PAX5: variants seen among roughly 807,000 people sequenced by gnomAD.
The protein encoded by PAX5 is paired box 5, also known as paired box protein Pax-5.
A neutral mutation model predicts 43.7 loss-of-function variants in PAX5; 9 were observed. That is an observed-to-expected ratio of 0.21 (90% confidence interval 0.12 to 0.36). The LOEUF (loss-of-function observed/expected upper bound fraction) is 0.36, where lower values mean the gene tolerates loss of function less well. PAX5 is among the 10% of genes least tolerant of loss of function. The pLI is 1.00. For synonymous variants in PAX5, 228 were observed against 214.3 expected (o/e 1.06, Z -0.56); for missense variants, 383 against 532.7 (o/e 0.72, Z 2.77).
intron 7 of PAX5, among the ~76,000 whole-genome samples, chr9:36,892,557 C>G (rs1422661096): frequency 2.0e-5 from 3 of 152,212 alleles, no homozygotes; most frequent in Admixed American, 6.5e-5. Flanking sequence ...AGGCTGACTT[C>G]AGAGCCAGTC....
chr9:36,995,019 G>A (rs1349405771), intron 5 of PAX5, among the ~76,000 whole-genome samples: 1 of 151,912 alleles, frequency 6.6e-6, no homozygotes, highest in Non-Finnish European at 1.5e-5. Flanking sequence ...CTACATGAGG[G>A]GACATGTAGA....
intron 9 of PAX5, among the ~76,000 whole-genome samples, chr9:36,841,015 G>A (rs1220952852): frequency 6.6e-6 from 1 of 152,218 alleles, no homozygotes; most frequent in Non-Finnish European, 1.5e-5. Flanking sequence ...GGCCTGCAAA[G>A]CCTAAAATAT....
In PAX5 at chr9:36,840,468, C is replaced by T. The variant is rs1821944022; in HGVS notation, c.*92G>A. 9 of 1,267,972 alleles carry T rather than the reference C, an allele frequency of 7.1e-6. No individual in the cohort carries two copies. Among genetic ancestry groups the T allele is most frequent in the Non-Finnish European group, 1.0e-5 (9 of 896,732 alleles). The allele number at this position is 1,267,972 out of a possible 1,614,324, so 78.5% of individuals were successfully genotyped here. ...CAAGTGGGGGATGCTGGGGGACGGT[C>T]TCATGGGCTCTCTGGCTATCTTCAG... On this transcript the variant is annotated 3_prime_UTR_variant, in exon 10 of 10. Transcript: ENST00000358127.
chr9:36,955,867 G>T (rs1332960450), intron 6 of PAX5, among the ~76,000 whole-genome samples: 1 of 151,566 alleles, frequency 6.6e-6, no homozygotes, highest in East Asian at 1.9e-4. Context: ...TGCAATAGGA[G>T]AGCCTACAAT....
intron 1 of PAX5, among the ~76,000 whole-genome samples, chr9:37,028,294 G>C (rs567012391): frequency 2.6e-5 from 4 of 152,056 alleles, no homozygotes; most frequent in Admixed American, 6.5e-5. Context: ...TTTACTGAAG[G>C]CTCCTTCCAC....
chr9:37,031,973 G>C (rs1293731700), intron 1 of PAX5, among the ~76,000 whole-genome samples: 1 of 152,208 alleles, frequency 6.6e-6, no homozygotes, highest in Non-Finnish European at 1.5e-5. Context: ...CACCAGCTTG[G>C]ACAGCTTCTC....
chr9:36,917,876 C>T (rs1047934023), intron 7 of PAX5, among the ~76,000 whole-genome samples: 29 of 152,190 alleles, frequency 1.9e-4, no homozygotes, highest in African/African-American at 7.0e-4. Context: ...CACAGTTTCT[C>T]ATTATTATTA....
chr9:36,919,858 A>AG (rs1727318761), intron 7 of PAX5, among the ~76,000 whole-genome samples: 1 of 150,742 alleles, frequency 6.6e-6, no homozygotes, highest in African/African-American at 2.4e-5. Context: ...AAAAAAAAAA[A>AG]AAAAAAAAAG....
At chr9:36,858,474 T>G (rs1359023450) in intron 8 of PAX5, among the ~76,000 whole-genome samples, 1 of 152,194 alleles carries the variant, frequency 6.6e-6, no homozygotes, top group Non-Finnish European at 1.5e-5. Flanking sequence ...TTCCAGTCTT[T>G]CTGCCACTAA....
intron 7 of PAX5, among the ~76,000 whole-genome samples, chr9:36,883,390 A>G (rs1351116889): frequency 2.0e-5 from 3 of 152,236 alleles, no homozygotes; most frequent in Admixed American, 2.0e-4. Context: ...AAAACAGAAA[A>G]GAATGAATTA....
At chr9:36,938,342 C>T (rs1298583128) in intron 6 of PAX5, among the ~76,000 whole-genome samples, 1 of 152,198 alleles carries the variant, frequency 6.6e-6, no homozygotes, top group Non-Finnish European at 1.5e-5. Context: ...TAAACAAACA[C>T]ACGTCTAAAG....
intron 5 of PAX5, among the ~76,000 whole-genome samples, chr9:36,990,578 G>A (rs1836845268): frequency 6.6e-6 from 1 of 152,370 alleles, no homozygotes; most frequent in East Asian, 1.9e-4. Flanking sequence ...CGACATTGGA[G>A]ATGGGGACCA....
chr9:36,850,648 C>T (rs1012883855), intron 8 of PAX5, among the ~76,000 whole-genome samples: 3 of 152,142 alleles, frequency 2.0e-5, no homozygotes, highest in Non-Finnish European at 4.4e-5. Context: ...CTTTTCTTTA[C>T]GTATTCATAG....
intron 5 of PAX5, among the ~76,000 whole-genome samples, chr9:36,984,268 C>T (rs1436530433): frequency 6.6e-6 from 1 of 151,978 alleles, no homozygotes; most frequent in Non-Finnish European, 1.5e-5. Context: ...GGGACTAAGA[C>T]TGGGGTGAGG....
chr9:36,847,048 C>T lies in PAX5; in HGVS notation c.1013-119G>A, dbSNP rs566573889. On this transcript the variant is annotated intron_variant, in intron 8 of 9. Coordinates refer to ENST00000358127, the MANE Select transcript of PAX5 (RefSeq NM_016734.3). ...ATTTGCCTCTTCCGTGAGTTGCAGG[C>T]GCTTTTGTAACCAACAAAAGCAAGT... is the stretch of plus-strand genomic sequence containing the variant. 4.4e-5 allele frequency: 29 copies of T among 656,246 alleles called. No individual in the cohort carries two copies. The Middle Eastern group carries it at 9.1e-4, about 21-fold the overall frequency. 40.7% of individuals were successfully genotyped at this position (656,246 alleles called of 1,614,324 possible).
chr9:37,025,364 C>T (rs567963053), intron 1 of PAX5, among the ~76,000 whole-genome samples: 5 of 151,006 alleles, frequency 3.3e-5, no homozygotes, highest in South Asian at 2.1e-4. Context: ...CGGGTCTCTG[C>T]TGCCTTTGTT....
intron 5 of PAX5, among the ~76,000 whole-genome samples, chr9:37,001,967 G>A (rs1837908088): frequency 6.6e-6 from 1 of 152,034 alleles, no homozygotes; most frequent in African/African-American, 2.4e-5. Context: ...CAGGATGGAG[G>A]TGGCTGGCTC....
chr9:36,935,921 C>A (rs1831516080), intron 6 of PAX5, among the ~76,000 whole-genome samples: 1 of 152,236 alleles, frequency 6.6e-6, no homozygotes, highest in South Asian at 2.1e-4. Flanking sequence ...CAGCACGGGG[C>A]CCCAGGGCCT....
In PAX5 at chr9:36,966,628, A is replaced by G. The variant is rs753068558; in HGVS notation, c.701T>C (p.Leu234Pro). ...CTCAAACACGCGGTCCAGCACCTCC[A>G]GCTGCTGCTGTGTGAACAAGTCTCC... ...MRGDLFTQQQ[L>P]EVLDRVFERQ... The change falls in exon 6 of 10, where the codon CTG (leucine) becomes CCG (proline). Residue 234 changes from leucine to proline, a missense_variant. Around this residue, in one of 5 missense-constraint regions of PAX5, gnomAD observed 291 missense variants for 342.5 expected, o/e 0.85. Coordinates refer to ENST00000358127, the MANE Select transcript of PAX5 (RefSeq NM_016734.3). The G allele has an allele frequency of 4.3e-6, 7 of 1,614,098 alleles. No individual in the cohort carries two copies. The highest frequency in any genetic ancestry group is 5.9e-6 in the Non-Finnish European group (7 of 1,180,044).
Sources: allele counts gnomAD v4.1 joint callset (sites outside exome capture counted in the v4.1 genomes callset), GRCh38; gene constraint gnomAD v4.1.1; regional missense constraint gnomAD v4.1.1; transcripts MANE v1.5; gene names NCBI Gene and HGNC (gene_info 2026-07-23, HGNC 2026-07-21).